The following ACOXL variants were observed in gnomAD, a reference collection of about 807,000 sequenced individuals.
ACOXL encodes the protein acyl-CoA oxidase like, also known as acyl-coenzyme A oxidase-like protein.
A neutral mutation model predicts 71.9 loss-of-function variants in ACOXL; 70 were observed. The observed-to-expected ratio is 0.97, with a 90% CI of 0.80 to 1.19. The LOEUF is 1.19. ACOXL is among the 50% of genes most tolerant of loss of function. The pLI, the probability that ACOXL is intolerant of heterozygous loss-of-function variation, is 0.00. For synonymous variants in ACOXL, 253 were observed against 281.6 expected, an observed-to-expected ratio of 0.90 and a Z score of 1.02; for missense variants, 703 against 736.3, an observed-to-expected ratio of 0.95 and a Z score of 0.52.
chr2:110,995,736 T>C (rs2063366681), intron 13 of ACOXL, among the ~76,000 whole-genome samples, 157 bp from the exon 14 acceptor site: 1 of 151,996 alleles, frequency 6.6e-6, no homozygotes, highest in African/African-American at 2.4e-5. Context: ...GAATTATGAA[T>C]ACAGTCAGTG....
At chr2:111,093,446 C>T (rs200495975) in intron 17 of ACOXL, 320 of 1,613,428 alleles carry the variant, frequency 2.0e-4, no homozygotes, top group Non-Finnish European at 2.6e-4. Flanking sequence ...AAACAGCATA[C>T]TCATCAGTAA....
At chr2:110,765,750 T>C (rs1273906471) in intron 1 of ACOXL, among the ~76,000 whole-genome samples, 1 of 152,172 alleles carries the variant, frequency 6.6e-6, no homozygotes, top group Non-Finnish European at 1.5e-5. Flanking sequence ...ATAAATCTCA[T>C]TCATGAGGGT....
Position 110,933,623 on chromosome 2 carries a change from GC to G in ACOXL, c.1041del (p.Glu348SerfsTer40). 4 of 1,612,208 alleles carry G rather than the reference GC, an allele frequency of 2.5e-6. No individual in the cohort carries two copies. In the South Asian group the frequency reaches 4.4e-5, roughly 18 times the overall value. On this transcript the variant is annotated frameshift_variant, in exon 12 of 18. Coordinates refer to ENST00000439055, the MANE Select transcript of ACOXL (RefSeq NM_001142807.4). LOFTEE classifies it high-confidence loss of function. ...WENIRCLQDCRECTGGMVVGR... is the reference protein window; with the variant it reads ...WENIRCLQDCXECTGGMVVGR... Reference sequence around the variant, plus strand: ...AACATCCGCTGCCTGCAGGACTGCCGCGAGTGCACTGGAGGCATGGTGAGCC... The same window carrying G: ...AACATCCGCTGCCTGCAGGACTGCCGGAGTGCACTGGAGGCATGGTGAGCC...
At chr2:110,748,041 A>C (rs1478340237) in intron 1 of ACOXL, among the ~76,000 whole-genome samples, 3 of 152,200 alleles carry the variant, frequency 2.0e-5, no homozygotes, top group Non-Finnish European at 4.4e-5. Flanking sequence ...TTTCTTCTGC[A>C]GAAAACAACC....
chr2:111,095,940 C>T (rs1191123714), intron 17 of ACOXL, among the ~76,000 whole-genome samples: 2 of 152,196 alleles, frequency 1.3e-5, no homozygotes, highest in Non-Finnish European at 2.9e-5. Context: ...TTTCCCACTG[C>T]CACCATACCT....
chr2:110,914,361 A>G (rs2059760050), intron 11 of ACOXL, among the ~76,000 whole-genome samples: 1 of 152,212 alleles, frequency 6.6e-6, no homozygotes, highest in Admixed American at 6.5e-5. Flanking sequence ...AAGATGATGT[A>G]TCTCTTTGTT....
At chr2:110,907,199 C>G (rs1286302550) in intron 10 of ACOXL, among the ~76,000 whole-genome samples, 1 of 152,178 alleles carries the variant, frequency 6.6e-6, no homozygotes, top group Non-Finnish European at 1.5e-5. Context: ...TTGCTGTGTC[C>G]TCACATGGTC....
chr2:111,102,497 T>C (rs2069233544), intron 17 of ACOXL, among the ~76,000 whole-genome samples: 1 of 152,192 alleles, frequency 6.6e-6, no homozygotes, highest in Non-Finnish European at 1.5e-5. Flanking sequence ...GGCAGCTGCA[T>C]TGTCCTGGTC....
At position 110,888,347 on chromosome 2, in the gene ACOXL, TG is replaced by T. The variant is rs376926014; in HGVS notation, c.789-20439del. On this transcript the variant is annotated intron_variant, in intron 10 of 17. Coordinates refer to ENST00000439055, the MANE Select transcript of ACOXL (RefSeq NM_001142807.4). ...CTTGGTTTCTGCTATAATAGAAATT[TG>T]GGTTTACTAATACCTCCCTCAAAGG... Among the ~76,000 whole-genome samples the T allele has an allele frequency of 4.4e-3, 667 of 152,340 alleles. 3 individuals carry two copies. Among genetic ancestry groups the T allele is most frequent in the South Asian group, 0.019 (93 of 4,826 alleles).
At position 110,801,730 on chromosome 2, in the gene ACOXL, T is replaced by G; in HGVS notation, c.620+6T>G. ...AGGGAGAACCTGCTGGATAAGTGAG[T>G]AGTTTCTCCTTAACTCAGGTCAATG... On this transcript the variant is annotated splice_donor_region_variant and intron_variant, in intron 8 of 17. Coordinates refer to ENST00000439055, the MANE Select transcript of ACOXL (RefSeq NM_001142807.4). 6.2e-7 allele frequency: 1 copy of G among 1,612,524 alleles called. No homozygotes were observed. Among genetic ancestry groups the G allele is most frequent in the Non-Finnish European group, 8.5e-7 (1 of 1,178,578 alleles).
chr2:111,072,397 C>G (rs1270377631), intron 16 of ACOXL, among the ~76,000 whole-genome samples: 1 of 152,136 alleles, frequency 6.6e-6, no homozygotes, highest in African/African-American at 2.4e-5. Flanking sequence ...TGAGATTCAG[C>G]CAAGTGGTTG....
intron 9 of ACOXL, among the ~76,000 whole-genome samples, chr2:110,833,667 AT>A (rs1690115002): frequency 6.6e-6 from 1 of 152,196 alleles, no homozygotes; most frequent in Non-Finnish European, 1.5e-5. Context: ...AAACAGCCTG[AT>A]TTAAAAAAAC....
At chr2:110,990,187 G>A (rs1422669572) in intron 13 of ACOXL, among the ~76,000 whole-genome samples, 1 of 152,098 alleles carries the variant, frequency 6.6e-6, no homozygotes, top group Non-Finnish European at 1.5e-5. Context: ...TATTTATAAA[G>A]CAGGTCTTCC....
At chr2:110,737,416 T>C (rs965710579) in intron 1 of ACOXL, among the ~76,000 whole-genome samples, 2 of 152,234 alleles carry the variant, frequency 1.3e-5, no homozygotes, top group Non-Finnish European at 2.9e-5. Context: ...TGAAAGTCAG[T>C]GTATCACCAT....
At chr2:111,056,847 A>G (rs1259877814) in intron 16 of ACOXL, among the ~76,000 whole-genome samples, 1 of 152,116 alleles carries the variant, frequency 6.6e-6, no homozygotes, top group African/African-American at 2.4e-5. Flanking sequence ...TAAGTCAGCA[A>G]AAGGGTCATT....
chr2:110,912,383 G>A (rs2059680930), intron 11 of ACOXL, among the ~76,000 whole-genome samples: 6 of 152,104 alleles, frequency 3.9e-5, no homozygotes, highest in Admixed American at 2.6e-4. Context: ...TGAAGCTGCA[G>A]TAATCAAGAC....
chr2:111,114,138 C>A (rs1376784071), intron 17 of ACOXL: 1 of 152,632 alleles, frequency 6.6e-6, no homozygotes, highest in East Asian at 1.9e-4. Context: ...GCTAGTCTTA[C>A]CTGGGATCAC....
chr2:111,116,450 C>T (rs776440224), intron 17 of ACOXL, among the ~76,000 whole-genome samples: 7 of 152,128 alleles, frequency 4.6e-5, no homozygotes, highest in Non-Finnish European at 1.0e-4. Flanking sequence ...ATTCCCCATC[C>T]CCTATTTCCT....
At chr2:111,070,017 G>T (rs373691233) in intron 16 of ACOXL, among the ~76,000 whole-genome samples, 112 of 152,044 alleles carry the variant, frequency 7.4e-4, no homozygotes, top group African/African-American at 2.7e-3. Flanking sequence ...CATGTCCGTC[G>T]GCCTGCCCTC....
Sources: gnomAD v4.1 joint callset for allele counts (sites outside exome capture counted in the v4.1 genomes callset) on GRCh38, gnomAD v4.1.1 for gene constraint, MANE v1.5 for transcripts, NCBI Gene and HGNC (gene_info 2026-07-23, HGNC 2026-07-21) for gene names.